Variants in AUH observed in about 807,000 individuals in gnomAD.
AUH encodes AU RNA binding methylglutaconyl-CoA hydratase.
A neutral mutation model predicts 42.3 loss-of-function variants in AUH; 29 were observed. That is an observed-to-expected ratio of 0.69 (90% CI 0.51 to 0.93). AUH has a LOEUF of 0.93. Among genes scored for constraint, AUH ranks in the 40% least tolerant of loss-of-function variants. AUH has a pLI of 0.00. For missense variants in AUH, 452 were observed against 438.1 expected, an observed-to-expected ratio of 1.03 and a Z score of -0.28; for synonymous variants, 174 against 166.4, an observed-to-expected ratio of 1.05 and a Z score of -0.35.
intron 4 of AUH, among the ~76,000 whole-genome samples, chr9:91,301,919 A>G (rs781408983): frequency 8.5e-5 from 13 of 152,232 alleles, no homozygotes; most frequent in Non-Finnish European, 1.3e-4. Context: ...AGCCTTGTAG[A>G]AAGCTGTCTA....
intron 6 of AUH, among the ~76,000 whole-genome samples, chr9:91,238,888 C>T (rs1302735835): frequency 6.6e-6 from 1 of 152,218 alleles, no homozygotes; most frequent in African/African-American, 2.4e-5. Flanking sequence ...CCTTCAATGC[C>T]ATGGGGAGAT....
intron 4 of AUH, among the ~76,000 whole-genome samples, chr9:91,310,916 T>C (rs1353816315): frequency 1.3e-5 from 2 of 152,236 alleles, no homozygotes; most frequent in South Asian, 2.1e-4. Flanking sequence ...TATTATACTG[T>C]AGTGGGTCTG....
At chr9:91,322,507 C>T (rs530868882) in intron 4 of AUH, among the ~76,000 whole-genome samples, 106 of 152,238 alleles carry the variant, frequency 7.0e-4, no homozygotes, top group African/African-American at 2.4e-3. Flanking sequence ...AAGCCAAAGA[C>T]ATTATAGAAA....
intron 3 of AUH, among the ~76,000 whole-genome samples, chr9:91,325,933 C>T (rs907709391): frequency 6.6e-6 from 1 of 152,142 alleles, no homozygotes; most frequent in African/African-American, 2.4e-5. Context: ...GGATGCCTGC[C>T]TTGGGGACTG....
chr9:91,228,969 T>A (rs1351616784), intron 6 of AUH, among the ~76,000 whole-genome samples: 1 of 152,196 alleles, frequency 6.6e-6, no homozygotes, highest in African/African-American at 2.4e-5. Flanking sequence ...GAGCTTTACT[T>A]CCAAGAATGT....
At chr9:91,264,069 A>C (rs1276631245) in intron 6 of AUH, among the ~76,000 whole-genome samples, 1 of 152,176 alleles carries the variant, frequency 6.6e-6, no homozygotes, top group East Asian at 1.9e-4. Flanking sequence ...ACTTTATCAC[A>C]GACTAGCTGT....
At chr9:91,355,109 C>T (rs1198167504) in intron 3 of AUH, among the ~76,000 whole-genome samples, 3 of 152,114 alleles carry the variant, frequency 2.0e-5, no homozygotes, top group African/African-American at 4.8e-5. Context: ...TAATTCTTTT[C>T]GGTATCCTAC....
intron 6 of AUH, among the ~76,000 whole-genome samples, chr9:91,290,795 T>C (rs1461070117): frequency 6.6e-6 from 1 of 152,148 alleles, no homozygotes; most frequent in Non-Finnish European, 1.5e-5. Flanking sequence ...CTTTTCATAA[T>C]CAAGTCACAG....
At chr9:91,340,644 A>G (rs1189198670) in intron 3 of AUH, among the ~76,000 whole-genome samples, 1 of 152,164 alleles carries the variant, frequency 6.6e-6, no homozygotes, top group Non-Finnish European at 1.5e-5. Context: ...GAGTTGTACA[A>G]CTGTTTCCAG....
chr9:91,240,879 C>G (rs916922401), intron 6 of AUH, among the ~76,000 whole-genome samples: 9 of 151,964 alleles, frequency 5.9e-5, no homozygotes, highest in Non-Finnish European at 8.8e-5. Flanking sequence ...ATGTCTTAGT[C>G]AATGATGCAG....
At chr9:91,349,297 G>A (rs771668375) in intron 3 of AUH, among the ~76,000 whole-genome samples, 1 of 152,216 alleles carries the variant, frequency 6.6e-6, no homozygotes, top group Non-Finnish European at 1.5e-5. Flanking sequence ...CCACACTGGT[G>A]TAATTCAGTG....
At chr9:91,293,326 TCTTGCACCACTTAGGCTTAG>T (rs1462964609) in intron 6 of AUH, among the ~76,000 whole-genome samples, 2 of 152,266 alleles carry the variant, frequency 1.3e-5, no homozygotes, top group Non-Finnish European at 2.9e-5. Context: ...AAGCTAGGCC[TCTTGCACCACTTAGGCTTAG>T]TTGCCAATGC....
chr9:91,297,355 ACT>A (rs1283177310), intron 5 of AUH, among the ~76,000 whole-genome samples: 3 of 151,618 alleles, frequency 2.0e-5, no homozygotes, highest in African/African-American at 7.3e-5. Flanking sequence ...AATTCTTTTC[ACT>A]CTTTTTCTAT....
At chr9:91,238,788 C>A (rs1828334690) in intron 6 of AUH, among the ~76,000 whole-genome samples, 1 of 152,206 alleles carries the variant, frequency 6.6e-6, no homozygotes, top group Admixed American at 6.5e-5. Flanking sequence ...TAAAGCACAG[C>A]AAGCTTTTGC....
chr9:91,259,369 G>A (rs956321769), intron 6 of AUH, among the ~76,000 whole-genome samples: 1 of 147,762 alleles, frequency 6.8e-6, no homozygotes, highest in Non-Finnish European at 1.5e-5. Flanking sequence ...GGTCATTTGT[G>A]TCCTGTCTCC....
chr9:91,346,483 C>G (rs1164871656), intron 3 of AUH, among the ~76,000 whole-genome samples: 1 of 152,166 alleles, frequency 6.6e-6, no homozygotes, highest in Non-Finnish European at 1.5e-5. Flanking sequence ...TTGACTGTTC[C>G]TCAGTTTTCT....
intron 6 of AUH, among the ~76,000 whole-genome samples, chr9:91,242,158 A>C (rs577088249): frequency 1.3e-5 from 2 of 152,334 alleles, no homozygotes; most frequent in South Asian, 4.1e-4. Context: ...GAGTCAAGGA[A>C]GCCATAGTCT....
chr9:91,217,036 A>T (rs1826861373), intron 8 of AUH, among the ~76,000 whole-genome samples: 1 of 152,268 alleles, frequency 6.6e-6, no homozygotes, highest in Non-Finnish European at 1.5e-5. Flanking sequence ...TGAGCATGTC[A>T]TAAGCTTCAG....
chr9:91,340,739 T>C (rs1223316263), intron 3 of AUH, among the ~76,000 whole-genome samples: 1 of 152,210 alleles, frequency 6.6e-6, no homozygotes, highest in Non-Finnish European at 1.5e-5. Context: ...CCTCTCCAGC[T>C]TCTTCCTGCA....
Sources: allele counts gnomAD v4.1 joint callset (sites outside exome capture counted in the v4.1 genomes callset), GRCh38; gene constraint gnomAD v4.1.1; transcripts MANE v1.5; gene names NCBI Gene and HGNC (gene_info 2026-07-23, HGNC 2026-07-21).